Variants in MAL2 observed in about 807,000 individuals in gnomAD.
MAL2 encodes the protein protein MAL2.
In MAL2, 17 loss-of-function variants were observed where a neutral mutation model predicts 18.1. That is an observed-to-expected ratio of 0.94 (90% CI 0.64 to 1.41). MAL2 has a LOEUF of 1.41. Among genes scored for constraint, MAL2 ranks in the 40% most tolerant of loss-of-function variants. The probability of loss-of-function intolerance (pLI) is 0.00; values close to 1 mark genes in which losing one functional copy is unlikely to be tolerated. For synonymous variants in MAL2, 102 were observed against 102.3 expected (o/e 1.00, Z 0.02); for missense variants, 222 against 231.9 (o/e 0.96, Z 0.28).
chr8:119,230,445 G>C (rs371289573), intron 2 of MAL2, among the ~76,000 whole-genome samples: 5 of 152,096 alleles, frequency 3.3e-5, no homozygotes, highest in African/African-American at 1.2e-4. Flanking sequence ...GGATTGGGGG[G>C]GCGGGAAGGG....
intron 2 of MAL2, among the ~76,000 whole-genome samples, chr8:119,237,740 C>A (rs570764755): frequency 3.3e-5 from 5 of 151,636 alleles, no homozygotes; most frequent in Non-Finnish European, 5.9e-5. Context: ...ATTCAACAAC[C>A]CTTCATGCTA....
At chr8:119,212,905 G>A (rs1340482288) in intron 1 of MAL2, among the ~76,000 whole-genome samples, 1 of 152,210 alleles carries the variant, frequency 6.6e-6, no homozygotes, top group Non-Finnish European at 1.5e-5. Context: ...TGGATTTATT[G>A]TCTGATGGAA....
chr8:119,244,486 T>C lies in MAL2; in HGVS notation c.*998T>C, dbSNP rs1290052417. 6.6e-6 allele frequency: 1 copy of C among 152,188 alleles called. No homozygotes were observed. Among genetic ancestry groups the C allele is most frequent in the Non-Finnish European group, 1.5e-5 (1 of 68,026 alleles). 9.4% of individuals were successfully genotyped at this position (152,188 alleles called of 1,614,324 possible). A position where few individuals can be genotyped will look rare whatever the true frequency, so the allele number is the denominator to read the frequency against. The stretch of plus-strand genomic sequence containing the variant: ...ACTGGAACTGGTATCTAGCTACTGA[T>C]GTCTTACTTTGAGTTTATTTATGCT... On this transcript the variant is annotated 3_prime_UTR_variant, in exon 4 of 4. Transcript: ENST00000614891.
rs768133848 is a variant in MAL2 at position 119,208,430 on chromosome 8, A to AGGC, written c.-32_-30dup. ...CAGGAGCCCGGGAGGCGGAGGCGGG[A>AGGC]GGCGGCGGCGGCGCGCGGAGACGCA... On this transcript the variant is annotated 5_prime_UTR_variant, in exon 1 of 4. Coordinates refer to ENST00000614891, the MANE Select transcript of MAL2 (RefSeq NM_052886.3). This position sits in a 1 kb window ranked among gnomAD's most constrained non-coding sequence, Gnocchi z 4.3. The AGGC allele has an allele frequency of 1.9e-4, 202 of 1,088,192 alleles. 2 individuals are homozygous for AGGC. In the Middle Eastern group the frequency reaches 3.9e-3, roughly 21 times the overall value. The allele number at this position is 1,088,192 out of a possible 1,614,324, so 67.4% of individuals were successfully genotyped here.
At chr8:119,223,804 TTTTTTTATTATTATTATTCAGTCA>T (rs1817522455) in intron 2 of MAL2, 1 of 151,204 alleles carries the variant, frequency 6.6e-6, no homozygotes, top group African/African-American at 2.5e-5. Flanking sequence ...GTGTGGGTCT[TTTTTTTATTATTATTATTCAGTCA>T]TTTTTTATTG....
In MAL2 at chr8:119,244,247, A is replaced by C. The variant is rs1489657423; in HGVS notation, c.*759A>C. On this transcript the variant is annotated 3_prime_UTR_variant, in exon 4 of 4. Transcript: ENST00000614891. ...TTTAGTGTCATTATGCAATAATCAC[A>C]TTGCCTTTGTGTTAATAGTCAAATA... 1 of 152,214 alleles carries C rather than the reference A, an allele frequency of 6.6e-6. No individual in the cohort carries two copies. Among genetic ancestry groups the C allele is most frequent in the Non-Finnish European group, 1.5e-5 (1 of 68,038 alleles). 9.4% of individuals were successfully genotyped at this position (152,214 alleles called of 1,614,324 possible).
intron 1 of MAL2, among the ~76,000 whole-genome samples, chr8:119,212,380 C>T (rs1817280909): frequency 6.6e-6 from 1 of 152,192 alleles, no homozygotes; most frequent in African/African-American, 2.4e-5. Flanking sequence ...CTCTAGGATT[C>T]TTATTCACAT....
intron 2 of MAL2, among the ~76,000 whole-genome samples, chr8:119,234,161 CAG>C (rs989349726): frequency 6.5e-4 from 99 of 152,310 alleles, no homozygotes; most frequent in African/African-American, 2.2e-3. Flanking sequence ...CGCAAGGGGT[CAG>C]AGAGTTCCCT....
chr8:119,217,329 G>A (rs1423646778), intron 1 of MAL2, among the ~76,000 whole-genome samples: 1 of 152,168 alleles, frequency 6.6e-6, no homozygotes, highest in Non-Finnish European at 1.5e-5. Context: ...CTGCAACTCA[G>A]AATATATTTG....
At position 119,212,000 on chromosome 8, in the gene MAL2, C is replaced by T. The variant is rs117078637; in HGVS notation, c.132+3396C>T. 7.3e-3 allele frequency among the ~76,000 whole-genome samples: 1,117 copies of T among 152,280 alleles called. 5 individuals are homozygous for T. The highest frequency in any genetic ancestry group is 0.017 in the Middle Eastern group (5 of 294). ...TCCTCTGGGAACAAAGATGTTTAAA[C>T]CCTTCCTCACCAGAAAGACCTATAA... On this transcript the variant is annotated intron_variant, in intron 1 of 3. Transcript: ENST00000614891.
At chr8:119,217,974 T>C (rs1002373156) in intron 1 of MAL2, among the ~76,000 whole-genome samples, 1 of 152,118 alleles carries the variant, frequency 6.6e-6, no homozygotes, top group Non-Finnish European at 1.5e-5. Flanking sequence ...TGGAGCCAAG[T>C]TGGGAAGCTC....
At position 119,240,236 on chromosome 8, in the gene MAL2, C is replaced by G; in HGVS notation, c.375C>G (p.Ser125=). ...TTTTATTGGAAGCAGCAGCCACATCCCTGCATGATTTGCATTGCAATACAA... is the reference window on the plus strand; with the variant it reads ...TTTTATTGGAAGCAGCAGCCACATCGCTGCATGATTTGCATTGCAATACAA... ...GAFLLEAAAT[S]LHDLHCNTTI... The change falls in exon 3 of 4, where the codon TCC becomes TCG. Residue 125 remains serine, a synonymous_variant. Transcript: ENST00000614891. 3 of 1,613,668 alleles carry G rather than the reference C, an allele frequency of 1.9e-6. No individual in the cohort carries two copies. The highest frequency in any genetic ancestry group is 1.1e-5 in the South Asian group (1 of 91,070).
intron 3 of MAL2, among the ~76,000 whole-genome samples, chr8:119,241,861 G>A (rs1346776525): frequency 6.6e-6 from 1 of 152,188 alleles, no homozygotes; most frequent in East Asian, 1.9e-4. Context: ...AGATAAAAGT[G>A]TAAGTGCTCT....
At chr8:119,238,465 C>G (rs1320084271) in intron 2 of MAL2, among the ~76,000 whole-genome samples, 1 of 151,966 alleles carries the variant, frequency 6.6e-6, no homozygotes, top group Non-Finnish European at 1.5e-5. Flanking sequence ...CCCGCATCGC[C>G]AAGTCAATCC....
At chr8:119,218,218 G>T (rs1192251211) in intron 1 of MAL2, among the ~76,000 whole-genome samples, 1 of 151,880 alleles carries the variant, frequency 6.6e-6, no homozygotes, top group Non-Finnish European at 1.5e-5. Flanking sequence ...TGAGAGAGAG[G>T]GGGCATTCCT....
At chr8:119,214,343 T>C (rs1290630665) in intron 1 of MAL2, among the ~76,000 whole-genome samples, 1 of 152,220 alleles carries the variant, frequency 6.6e-6, no homozygotes, top group Non-Finnish European at 1.5e-5. Context: ...TTTCTGCACT[T>C]TAACTTGAAT....
In MAL2 at chr8:119,240,186, G is replaced by T; in HGVS notation, c.325G>T (p.Val109Leu). ...TTAGGATTTTGCCTACCATTTTACA[G>T]TATTTGTCTTCTATTTTGGAGCCTT... The part of the protein sequence containing the change: ...NFLDFAYHFT[V>L]FVFYFGAFLL... The change falls in exon 3 of 4, where the codon GTA (valine) becomes TTA (leucine). Residue 109 changes from valine (V) to leucine (L), a missense_variant. Val to Leu is a conservative substitution (Grantham distance 32, BLOSUM62 1). Transcript: ENST00000614891. The T allele has an allele frequency of 6.2e-7, 1 of 1,613,440 alleles. No homozygotes were observed. Among genetic ancestry groups the T allele is most frequent in the Non-Finnish European group, 8.5e-7 (1 of 1,179,674 alleles).
At chr8:119,225,800 A>G (rs1332628955) in intron 2 of MAL2, among the ~76,000 whole-genome samples, 1 of 152,118 alleles carries the variant, frequency 6.6e-6, no homozygotes, top group Non-Finnish European at 1.5e-5. Flanking sequence ...TGACTTTTTA[A>G]TGATTGCCAT....
chr8:119,216,179 G>A (rs1445077546), intron 1 of MAL2, among the ~76,000 whole-genome samples: 3 of 152,080 alleles, frequency 2.0e-5, no homozygotes, highest in Non-Finnish European at 4.4e-5. Context: ...GATGAAAGGT[G>A]TGGACTGTGT....
Sources: gnomAD v4.1 joint callset for allele counts (sites outside exome capture counted in the v4.1 genomes callset) on GRCh38, gnomAD v4.1.1 for gene constraint, Gnocchi (gnomAD v3.1) non-coding constraint, MANE v1.5 for transcripts, NCBI Gene and HGNC (gene_info 2026-07-23, HGNC 2026-07-21) for gene names.